The following GLRA1 variants were observed in gnomAD, a reference collection of about 807,000 sequenced individuals.
GLRA1 encodes glycine receptor alpha 1.
In GLRA1, 37 loss-of-function variants were observed where a neutral mutation model predicts 48.3. That is an observed-to-expected ratio of 0.77 (90% confidence interval 0.59 to 1.01). The LOEUF is 1.01. GLRA1 is among the 50% of genes least tolerant of loss of function. The pLI, the probability that GLRA1 is intolerant of heterozygous loss-of-function variation, is 0.00. For synonymous variants in GLRA1, 196 were observed against 210.7 expected (o/e 0.93, Z 0.60); for missense variants, 427 against 571.0 (o/e 0.75, Z 2.57).
At chr5:151,892,530 C>T in intron 1 of GLRA1, 92 bp from the exon 2 acceptor site, 1 of 1,356,194 alleles carries the variant, frequency 7.4e-7, no homozygotes, top group Non-Finnish European at 1.0e-6. Flanking sequence ...TGTAGAACCA[C>T]AAGAGTGTTC....
chr5:151,924,560 C>A lies in GLRA1; in HGVS notation c.-11G>T, dbSNP rs202202750. The A allele has an allele frequency of 6.3e-7, 1 of 1,583,730 alleles. No homozygotes were observed. Among genetic ancestry groups the A allele is most frequent in the Non-Finnish European group, 8.7e-7 (1 of 1,152,300 alleles). On this transcript the variant is annotated 5_prime_UTR_variant, in exon 1 of 9. In the 5' UTR this introduces an upstream ATG that the reference lacks. Coordinates refer to ENST00000274576, the MANE Select transcript of GLRA1 (RefSeq NM_000171.4). ...ATTGAAGCTGTACATTTTTCAGGTC[C>A]TTGTGCTTTGTAGTCCACGAGTTAT... is the stretch of plus-strand genomic sequence containing the variant.
chr5:151,898,818 G>A (rs1484573797), intron 1 of GLRA1, among the ~76,000 whole-genome samples: 1 of 152,226 alleles, frequency 6.6e-6, no homozygotes, highest in East Asian at 1.9e-4. Flanking sequence ...AGCGAGTACA[G>A]TGGACAGGTA....
chr5:151,848,476 C>G (rs181966216), intron 7 of GLRA1, among the ~76,000 whole-genome samples: 153 of 152,284 alleles, frequency 1.0e-3, no homozygotes, highest in African/African-American at 3.6e-3. Flanking sequence ...AGGTGATTCT[C>G]CTACCTCAGC....
intron 8 of GLRA1, among the ~76,000 whole-genome samples, chr5:151,828,133 A>G (rs1763324646): frequency 6.6e-6 from 1 of 152,220 alleles, no homozygotes; most frequent in Non-Finnish European, 1.5e-5. Context: ...TTTAGAAATT[A>G]AGTTCAAGTA....
rs187424144 is a variant in GLRA1 at position 151,892,450 on chromosome 5, G to A, written c.57-12C>T. 573 of 1,613,858 alleles carry A rather than the reference G, an allele frequency of 3.6e-4. 2 individuals carry two copies. The African/African-American group carries it at 7.1e-3, about 20-fold the overall frequency. On this transcript the variant is annotated splice_polypyrimidine_tract_variant and intron_variant, in intron 1 of 8. Coordinates refer to ENST00000274576, the MANE Select transcript of GLRA1 (RefSeq NM_000171.4). Reference sequence around the variant, plus strand: ...TAGAAGCAGCAAGGCTAAGGAGGAAGAGAGGAGAGCAAAAGGTTAATGATG... The same window carrying A: ...TAGAAGCAGCAAGGCTAAGGAGGAAAAGAGGAGAGCAAAAGGTTAATGATG...
chr5:151,849,014 A>G, intron 7 of GLRA1: 1 of 657,058 alleles, frequency 1.5e-6, no homozygotes, highest in Non-Finnish European at 2.9e-6. Flanking sequence ...GCGCTGCAAG[A>G]CCCAGACTCT....
At chr5:151,908,236 G>A (rs1754524651) in intron 1 of GLRA1, among the ~76,000 whole-genome samples, 1 of 152,212 alleles carries the variant, frequency 6.6e-6, no homozygotes, top group Admixed American at 6.5e-5. Context: ...GTTGCATGAA[G>A]AGAAAGCTTT....
intron 7 of GLRA1, among the ~76,000 whole-genome samples, chr5:151,844,634 A>G (rs1242857916): frequency 6.7e-6 from 1 of 150,034 alleles, no homozygotes; most frequent in Non-Finnish European, 1.5e-5. Context: ...AAAAAAAAAA[A>G]AAAAAAAGAA....
At chr5:151,915,200 A>G (rs1754708441) in intron 1 of GLRA1, among the ~76,000 whole-genome samples, 1 of 152,184 alleles carries the variant, frequency 6.6e-6, no homozygotes, top group Non-Finnish European at 1.5e-5. Flanking sequence ...AGTATCTAGC[A>G]TTCAGTAAAC....
intron 1 of GLRA1, among the ~76,000 whole-genome samples, chr5:151,898,784 G>T (rs1754288894): frequency 6.6e-6 from 1 of 152,206 alleles, no homozygotes; most frequent in South Asian, 2.1e-4. Flanking sequence ...TTGAGGCACA[G>T]TCAGCACTAT....
chr5:151,922,390 C>CT (rs1350065723), intron 1 of GLRA1, among the ~76,000 whole-genome samples: 1 of 152,176 alleles, frequency 6.6e-6, no homozygotes, highest in African/African-American at 2.4e-5. Flanking sequence ...TCCTTGTGAC[C>CT]TTTTTTTAAT....
intron 3 of GLRA1, among the ~76,000 whole-genome samples, chr5:151,865,739 C>T (rs1381810048): frequency 2.6e-5 from 4 of 152,146 alleles, no homozygotes; most frequent in Admixed American, 2.6e-4. Context: ...CATAATGAGT[C>T]TCTCATTATG....
At position 151,822,691 on chromosome 5, in the gene GLRA1, C is replaced by G; in HGVS notation, c.1332G>C (p.Glu444Asp). The change falls in exon 9 of 9, where the codon GAG (glutamate) becomes GAC (aspartate). Residue 444 changes from glutamate to aspartate, a missense_variant. Glu to Asp is a conservative substitution (Grantham distance 45). Around this residue, in one of 4 missense-constraint regions of GLRA1, gnomAD observed 121 missense variants for 96.5 expected, o/e 1.25. Coordinates refer to ENST00000274576, the MANE Select transcript of GLRA1 (RefSeq NM_000171.4). Reference protein sequence around the residue: ...YWIIYKIVRREDVHNQ With the variant: ...YWIIYKIVRRDDVHNQ ...AGACCCTTCACTGGTTGTGGACGTC[C>G]TCTCTACGGACAATCTTGTAGATGA... The G allele has an allele frequency of 6.2e-7, 1 of 1,613,368 alleles. No homozygotes were observed. Among genetic ancestry groups the G allele is most frequent in the Non-Finnish European group, 8.5e-7 (1 of 1,179,382 alleles).
At position 151,859,963 on chromosome 5, in the gene GLRA1, G is replaced by A. The variant is rs1581623910; in HGVS notation, c.298C>T (p.Arg100Cys). ...TCAGGGTATTCATTATAGGCCAGGC[G>A]GGGGTCGTTCCATTGCTGCCGCAGG... ...IFLRQQWNDP[R>C]LAYNEYPDDS... is the part of the protein sequence containing the mutation. Residue 100 changes from arginine (R) to cysteine (C), a missense_variant, in exon 4 of 9, where the codon CGC becomes TGC. This residue lies in a region of GLRA1 where 271 missense variants were observed against 434.9 expected (regional missense o/e 0.62). Transcript: ENST00000274576. 10 of 1,613,934 alleles carry A rather than the reference G, an allele frequency of 6.2e-6. No homozygotes were observed. The highest frequency in any genetic ancestry group is 8.5e-6 in the Non-Finnish European group (10 of 1,179,816).
chr5:151,915,028 G>A (rs1254111003), intron 1 of GLRA1, among the ~76,000 whole-genome samples: 1 of 152,136 alleles, frequency 6.6e-6, no homozygotes, highest in Non-Finnish European at 1.5e-5. Flanking sequence ...TTCAATCCTA[G>A]CTCTGCCTTT....
intron 7 of GLRA1, among the ~76,000 whole-genome samples, chr5:151,846,560 G>T (rs1232377844): frequency 6.6e-6 from 1 of 152,196 alleles, no homozygotes; most frequent in African/African-American, 2.4e-5. Context: ...GTCGAGTTTT[G>T]TTCTAAGGGT....
At chr5:151,863,022 T>G (rs1753243944) in intron 3 of GLRA1, among the ~76,000 whole-genome samples, 1 of 152,220 alleles carries the variant, frequency 6.6e-6, no homozygotes, top group Non-Finnish European at 1.5e-5. Context: ...TCCATTCAGT[T>G]TCTATTCACA....
rs116698424 is a variant in GLRA1, at chr5:151,825,601, G to A, written c.1060-2638C>T. Among the ~76,000 whole-genome samples the A allele has an allele frequency of 6.4e-3, 975 of 152,340 alleles. 8 individuals are homozygous for A. Among genetic ancestry groups the A allele is most frequent in the Non-Finnish European group, 9.9e-3 (673 of 68,036 alleles). On this transcript the variant is annotated intron_variant, in intron 8 of 8. Coordinates refer to ENST00000274576, the MANE Select transcript of GLRA1 (RefSeq NM_000171.4). ...GCATCTGGAGCTGCTTAGAGCTGGA[G>A]CAGGGGAAATCTGGTAGTGTACTCT...
intron 8 of GLRA1, among the ~76,000 whole-genome samples, chr5:151,824,867 T>C (rs1421731831): frequency 1.3e-5 from 2 of 152,164 alleles, no homozygotes; most frequent in African/African-American, 4.8e-5. Context: ...ATGAACATAG[T>C]CCCTGGTTCA....
Sources: gnomAD v4.1 joint callset for allele counts (sites outside exome capture counted in the v4.1 genomes callset) on GRCh38, gnomAD v4.1.1 for gene constraint, gnomAD v4.1.1 regional missense constraint, MANE v1.5 for transcripts, NCBI Gene and HGNC (gene_info 2026-07-23, HGNC 2026-07-21) for gene names.